The following TRIM55 variants were observed in gnomAD, a reference collection of about 807,000 sequenced individuals.
The protein encoded by TRIM55 is tripartite motif containing 55.
A neutral mutation model predicts 60.9 loss-of-function variants in TRIM55; 50 were observed. The ratio of observed to expected loss-of-function variants is 0.82; its 90% CI spans 0.65 to 1.04. The LOEUF (loss-of-function observed/expected upper bound fraction) is 1.04, where lower values mean the gene tolerates loss of function less well. Ranked by LOEUF, TRIM55 falls within the 50% of genes least tolerant of loss-of-function variation. The probability of loss-of-function intolerance (pLI) is 0.00; values close to 1 mark genes in which losing one functional copy is unlikely to be tolerated. For missense variants in TRIM55, 681 were observed against 666.9 expected (o/e 1.02, Z -0.23); for synonymous variants, 237 against 238.1 (o/e 1.00, Z 0.04).
At chr8:66,114,187 G>C in the TRIM55 span, among the ~76,000 whole-genome samples, 3 of 150,822 alleles carry the variant, frequency 2.0e-5, no homozygotes, top group East Asian at 4.0e-4. Flanking sequence ...GTGCCCAGCC[G>C]TGGGGGATTA....
Position 66,149,783 on chromosome 8 carries a change from A to T in TRIM55, c.742A>T (p.Ile248Phe). The change falls in exon 5 of 10, where the codon ATC (isoleucine) becomes TTC (phenylalanine). Residue 248 changes from isoleucine to phenylalanine, a missense_variant. Transcript: ENST00000315962. ...EEKLEHVRALIKKYSDHLENV... is the reference protein window; with the variant it reads ...EEKLEHVRALFKKYSDHLENV... The stretch of plus-strand genomic sequence containing the variant: ...GAAACTGGAACATGTCCGTGCTCTG[A>T]TCAAAAAGTATTCTGATCATTTGGA... The T allele has an allele frequency of 6.2e-7, 1 of 1,614,210 alleles. No individual in the cohort carries two copies. The highest frequency in any genetic ancestry group is 8.5e-7 in the Non-Finnish European group (1 of 1,180,020).
rs386412961 is a variant in TRIM55, at chr8:66,130,562, CG to C, written c.341+2094del. 1.4e-3 allele frequency among the ~76,000 whole-genome samples: 192 copies of C among 140,078 alleles called. 1 individual carries two copies. The highest frequency in any genetic ancestry group is 2.6e-3 in the Admixed American group (35 of 13,592). The allele number at this position is 140,078 out of a possible 152,430, so 91.9% of individuals were successfully genotyped here. A position where few individuals can be genotyped will look rare whatever the true frequency, so the allele number is the denominator to read the frequency against. ...TCAGCTGTGGCTATTGGAAGGGGGT[CG>C]GGGGGGGTGACCAATCACAGACTGG... On this transcript the variant is annotated intron_variant, in intron 2 of 9. Transcript: ENST00000315962.
Position 66,149,837 on chromosome 8 carries a change from A to G in TRIM55, c.796A>G (p.Ile266Val). ...CGTCTCAAAGTTGGTTGAGTCAGGAATTCAGTTTATGGATGAGCCAGAAAT... is the reference window on the plus strand; with the variant it reads ...CGTCTCAAAGTTGGTTGAGTCAGGAGTTCAGTTTATGGATGAGCCAGAAAT... The part of the protein sequence containing the change: ...ENVSKLVESG[I>V]QFMDEPEMAV... The change falls in exon 5 of 10, where the codon ATT becomes GTT. Residue 266 changes from isoleucine (I) to valine (V), a missense_variant. Coordinates refer to ENST00000315962, the MANE Select transcript of TRIM55 (RefSeq NM_184085.2). 3.1e-6 allele frequency: 5 copies of G among 1,614,200 alleles called. No individual in the cohort carries two copies. Among genetic ancestry groups the G allele is most frequent in the Non-Finnish European group, 4.2e-6 (5 of 1,180,010 alleles).
At chr8:66,140,022 A>G (rs1809716292) in intron 4 of TRIM55, among the ~76,000 whole-genome samples, 1 of 152,172 alleles carries the variant, frequency 6.6e-6, no homozygotes, top group Non-Finnish European at 1.5e-5. Context: ...CATGTATTAC[A>G]TTTTCCCATA....
intron 4 of TRIM55, among the ~76,000 whole-genome samples, chr8:66,140,981 C>T (rs1040928591): frequency 3.3e-5 from 5 of 152,136 alleles, no homozygotes; most frequent in African/African-American, 1.2e-4. Context: ...TACACAGCCT[C>T]TCCCCGCCTG....
At position 66,136,791 on chromosome 8, in the gene TRIM55, T is replaced by C. The variant is rs192252445; in HGVS notation, c.508-304T>C. Among the ~76,000 whole-genome samples, 78 of 152,302 alleles carry C rather than the reference T, an allele frequency of 5.1e-4. 1 individual carries two copies. Among genetic ancestry groups the C allele is most frequent in the Admixed American group, 3.1e-3 (47 of 15,306 alleles). On this transcript the variant is annotated intron_variant, in intron 3 of 9. Coordinates refer to ENST00000315962, the MANE Select transcript of TRIM55 (RefSeq NM_184085.2). Reference sequence around the variant, plus strand: ...AGTTCCACTAGGCAAATAATTCCATTTGGGTCCCTGAAGTCACATATTGGT... The same window carrying C: ...AGTTCCACTAGGCAAATAATTCCATCTGGGTCCCTGAAGTCACATATTGGT...
chr8:66,147,467 G>A (rs182524478), intron 4 of TRIM55, among the ~76,000 whole-genome samples: 187 of 152,124 alleles, frequency 1.2e-3, no homozygotes, highest in Non-Finnish European at 2.4e-3. Flanking sequence ...ACTGAGAATA[G>A]TAGAGAAATT....
chr8:66,168,097 GT>G (rs1244633222), intron 9 of TRIM55, among the ~76,000 whole-genome samples: 8 of 152,230 alleles, frequency 5.3e-5, no homozygotes, highest in Non-Finnish European at 1.0e-4. Context: ...CTTTTTGGGG[GT>G]TCCTATTTTC....
upstream of TRIM55, among the ~76,000 whole-genome samples, chr8:66,123,336 C>G (rs1311697166): frequency 2.0e-5 from 3 of 152,192 alleles, no homozygotes; most frequent in Non-Finnish European, 4.4e-5. Context: ...GCCTGACCAC[C>G]TTGGGCACCT....
At chr8:66,152,744 T>TCTACC in intron 8 of TRIM55, 117 bp downstream of exon 8, 1 of 1,353,764 alleles carries the variant, frequency 7.4e-7, no homozygotes, top group Non-Finnish European at 9.8e-7. Context: ...CAGACATTCG[T>TCTACC]ATATGGTAGA....
chr8:66,127,090 G>T (rs971951133), upstream of TRIM55: 6 of 559,820 alleles, frequency 1.1e-5, no homozygotes, highest in East Asian at 3.1e-5. Context: ...TCACGTGACC[G>T]CAGGCTGCTA....
the TRIM55 span, among the ~76,000 whole-genome samples, chr8:66,119,396 T>C: frequency 3.3e-5 from 5 of 152,236 alleles, no homozygotes; most frequent in Admixed American, 1.3e-4. Flanking sequence ...CATCTAACCA[T>C]AAGTTCTTTG....
In TRIM55 at chr8:66,128,312, C is replaced by G; in HGVS notation, c.177C>G (p.Asn59Lys). 2 of 1,604,136 alleles carry G rather than the reference C, an allele frequency of 1.2e-6. No homozygotes were observed. The highest frequency in any genetic ancestry group is 1.7e-6 in the Non-Finnish European group (2 of 1,175,630). ...TTACTTGGCAAGAACAGGCCTCTAACCCGTATTTGCCCACAAGAGGAGGTA... is the reference window on the plus strand; with the variant it reads ...TTACTTGGCAAGAACAGGCCTCTAAGCCGTATTTGCCCACAAGAGGAGGTA... ...KCASDIFQASNPYLPTRGGTT... is the reference protein window; with the variant it reads ...KCASDIFQASKPYLPTRGGTT... Residue 59 changes from asparagine to lysine, a missense_variant, in exon 2 of 10, where the codon AAC becomes AAG. By Grantham distance (94) the Asn-to-Lys change is moderately conservative (BLOSUM62 0). Coordinates refer to ENST00000315962, the MANE Select transcript of TRIM55 (RefSeq NM_184085.2).
At chr8:66,170,920 A>T (rs143818274) in intron 9 of TRIM55, among the ~76,000 whole-genome samples, 68 of 152,324 alleles carry the variant, frequency 4.5e-4, no homozygotes, top group African/African-American at 1.5e-3. Flanking sequence ...TTTCTTGTTG[A>T]TGGGTGTTAA....
At chr8:66,130,357 T>C (rs998283208) in intron 2 of TRIM55, among the ~76,000 whole-genome samples, 3 of 152,202 alleles carry the variant, frequency 2.0e-5, no homozygotes, top group Non-Finnish European at 4.4e-5. Flanking sequence ...CTTGAGACTT[T>C]CCTGTGGGAC....
At chr8:66,165,413 A>G (rs1811274347) in intron 9 of TRIM55, among the ~76,000 whole-genome samples, 1 of 152,096 alleles carries the variant, frequency 6.6e-6, no homozygotes, top group African/African-American at 2.4e-5. Context: ...TTCACAAGAT[A>G]TTACAAAGCA....
chr8:66,174,955 G>T lies in TRIM55; in HGVS notation c.*362G>T. 1 of 158,004 alleles carries T rather than the reference G, an allele frequency of 6.3e-6. No individual in the cohort carries two copies. The highest frequency in any genetic ancestry group is 1.4e-5 in the Non-Finnish European group (1 of 71,630). 9.8% of individuals were successfully genotyped at this position (158,004 alleles called of 1,614,324 possible). On this transcript the variant is annotated 3_prime_UTR_variant, in exon 10 of 10. Coordinates refer to ENST00000315962, the MANE Select transcript of TRIM55 (RefSeq NM_184085.2). Reference sequence around the variant, plus strand: ...TGTCTCTCATAGGCACTGACTTTTTGTTATTATATTATGGTAGCTTTCATT... The same window carrying T: ...TGTCTCTCATAGGCACTGACTTTTTTTTATTATATTATGGTAGCTTTCATT...
intron 4 of TRIM55, among the ~76,000 whole-genome samples, chr8:66,138,158 C>T (rs1191758516): frequency 1.3e-5 from 2 of 152,108 alleles, no homozygotes; most frequent in African/African-American, 4.8e-5. Flanking sequence ...GCATATAGTT[C>T]TCATTGCTGT....
At chr8:66,121,114 G>A in the TRIM55 span, among the ~76,000 whole-genome samples, 1 of 152,174 alleles carries the variant, frequency 6.6e-6, no homozygotes, top group Non-Finnish European at 1.5e-5. Context: ...TCTTTTTGTT[G>A]TTACCCTTCA....
Sources: gnomAD v4.1 joint callset for allele counts (sites outside exome capture counted in the v4.1 genomes callset) on GRCh38, gnomAD v4.1.1 for gene constraint, MANE v1.5 for transcripts, NCBI Gene and HGNC (gene_info 2026-07-23, HGNC 2026-07-21) for gene names.